Variants in PCDHA12 observed in about 807,000 individuals in gnomAD.
PCDHA12 encodes the protein protocadherin alpha-12.
Under a neutral mutation model 60.0 loss-of-function variants are expected in PCDHA12, and 44 were observed. That is an observed-to-expected ratio of 0.73 (90% CI 0.58 to 0.94). PCDHA12 has a LOEUF of 0.94. PCDHA12 is among the 40% of genes least tolerant of loss of function. The pLI is 0.00. For missense variants in PCDHA12, 1,276 were observed against 1,239.7 expected (o/e 1.03, Z -0.44); for synonymous variants, 569 against 553.0 (o/e 1.03, Z -0.40).
intron 1 of PCDHA12, chr5:140,878,069 T>C: frequency 5.3e-6 from 2 of 379,294 alleles, no homozygotes; most frequent in East Asian, 5.0e-5. Flanking sequence ...ATATTTTTCT[T>C]TTTCTATAAT....
At chr5:140,988,503 GAA>G (rs2097300771) in intron 3 of PCDHA12, among the ~76,000 whole-genome samples, 1 of 152,152 alleles carries the variant, frequency 6.6e-6, no homozygotes, top group Non-Finnish European at 1.5e-5. Flanking sequence ...GAGAAGCCAT[GAA>G]GCTTACTTAA....
rs781970935 is a variant in PCDHA12 at position 140,982,505 on chromosome 5, A to G, written c.2457A>G (p.Leu819=). The change falls in exon 3 of 4, where the codon CTA becomes CTG. Residue 819 remains leucine (L), a synonymous_variant. Coordinates refer to ENST00000398631, the MANE Select transcript of PCDHA12 (RefSeq NM_018903.4). ...TGCACCTAGAGGAGGCTGGCATTCT[A>G]CGGGCTGGTCCAGGAGGGCCTGATC... ...SSVHLEEAGI[L]RAGPGGPDQQ... The G allele has an allele frequency of 1.2e-6, 2 of 1,614,220 alleles. No homozygotes were observed. The highest frequency in any genetic ancestry group is 8.5e-7 in the Non-Finnish European group (1 of 1,180,032).
At chr5:140,917,657 G>A (rs1382905790) in intron 1 of PCDHA12, among the ~76,000 whole-genome samples, 2 of 152,156 alleles carry the variant, frequency 1.3e-5, no homozygotes, top group Admixed American at 1.3e-4. Context: ...TATTGAGTAG[G>A]AAGTCCTTTC....
chr5:140,983,282 G>A (rs1030439196), intron 3 of PCDHA12, among the ~76,000 whole-genome samples: 1 of 152,152 alleles, frequency 6.6e-6, no homozygotes, highest in Non-Finnish European at 1.5e-5. Context: ...GTGAGTATAG[G>A]AAAATTGCTT....
Position 140,877,468 on chromosome 5 carries a change from C to A in PCDHA12, c.1996C>A (p.Leu666Met), listed in dbSNP as rs781957457. ...EPALTSTATV[L>M]VSLVENGQAP... Reference sequence around the variant, plus strand: ...CGCGCTGACGTCCACGGCCACGGTGCTGGTGTCGCTGGTGGAGAACGGCCA... The same window carrying A: ...CGCGCTGACGTCCACGGCCACGGTGATGGTGTCGCTGGTGGAGAACGGCCA... Residue 666 changes from leucine (L) to methionine (M), a missense_variant, in exon 1 of 4, where the codon CTG (leucine) becomes ATG (methionine). Physicochemically the swap from Leu to Met is conservative, Grantham distance 15. Transcript: ENST00000398631. 1 of 1,613,810 alleles carries A rather than the reference C, an allele frequency of 6.2e-7. No individual in the cohort carries two copies. The highest frequency in any genetic ancestry group is 1.1e-5 in the South Asian group (1 of 91,064).
intron 1 of PCDHA12, among the ~76,000 whole-genome samples, chr5:140,974,883 C>T (rs1188748856): frequency 1.3e-5 from 2 of 152,154 alleles, no homozygotes; most frequent in Non-Finnish European, 2.9e-5. Context: ...CTATGTATCC[C>T]TTTTCTGATG....
At chr5:140,989,665 T>G (rs2097353443) in intron 3 of PCDHA12, among the ~76,000 whole-genome samples, 2 of 152,190 alleles carry the variant, frequency 1.3e-5, no homozygotes, top group South Asian at 4.1e-4. Flanking sequence ...TAAAAGAAAC[T>G]CTGCCCAGAT....
chr5:140,990,760 G>A (rs2097413418), intron 3 of PCDHA12, among the ~76,000 whole-genome samples: 1 of 152,182 alleles, frequency 6.6e-6, no homozygotes, highest in Non-Finnish European at 1.5e-5. Context: ...CTTTGAGCCT[G>A]TAAATTTGGC....
At chr5:140,902,860 G>C (rs1360454438) in intron 1 of PCDHA12, among the ~76,000 whole-genome samples, 1 of 152,130 alleles carries the variant, frequency 6.6e-6, no homozygotes, top group Non-Finnish European at 1.5e-5. Context: ...ATGGCGTCCA[G>C]GTCCACCCAA....
chr5:140,876,820 G>A lies in PCDHA12; in HGVS notation c.1348G>A (p.Asp450Asn). The A allele has an allele frequency of 1.2e-6, 2 of 1,614,214 alleles. No individual in the cohort carries two copies. The highest frequency in any genetic ancestry group is 1.7e-6 in the Non-Finnish European group (2 of 1,180,034). ...GTCCGTGGAGGTGGCCGACGTGAAC[G>A]ACAATGCGCCTGCGTTCGCGCAGCC... ...RVSVEVADVN[D>N]NAPAFAQPEY... Residue 450 changes from aspartate to asparagine, a missense_variant, in exon 1 of 4, where the codon GAC (aspartate) becomes AAC (asparagine). Coordinates refer to ENST00000398631, the MANE Select transcript of PCDHA12 (RefSeq NM_018903.4).
At chr5:140,984,247 C>G (rs1394918677) in intron 3 of PCDHA12, among the ~76,000 whole-genome samples, 2 of 152,138 alleles carry the variant, frequency 1.3e-5, no homozygotes, top group Non-Finnish European at 2.9e-5. Flanking sequence ...GTAGGTCGAC[C>G]TGGTAAGCCA....
intron 1 of PCDHA12, chr5:140,927,767 A>G (rs2084615997): frequency 6.2e-7 from 1 of 1,614,176 alleles, no homozygotes. Context: ...AAAAGTGGGG[A>G]GGTGCAAGTA....
chr5:141,000,468 C>T (rs2097940295), intron 3 of PCDHA12, among the ~76,000 whole-genome samples: 1 of 107,380 alleles, frequency 9.3e-6, no homozygotes, highest in Non-Finnish European at 1.8e-5. Context: ...GCTCTTGTTG[C>T]CCAAGCTGGA....
At position 140,987,008 on chromosome 5, in the gene PCDHA12, G is replaced by A. The variant is rs958548514; in HGVS notation, c.2515+4445G>A. 2.6e-5 allele frequency among the ~76,000 whole-genome samples: 4 copies of A among 152,260 alleles called. No individual in the cohort carries two copies. The South Asian group carries it at 6.2e-4, about 24-fold the overall frequency. On this transcript the variant is annotated intron_variant, in intron 3 of 3. Transcript: ENST00000398631. ...GCAGGCAGATCACTTGAGGTCATGA[G>A]TTCGAGACCAGCCTGGTCAACATGG... is the stretch of plus-strand genomic sequence containing the variant.
chr5:140,900,127 T>A (rs528737566), intron 1 of PCDHA12, among the ~76,000 whole-genome samples: 2 of 152,328 alleles, frequency 1.3e-5, no homozygotes, highest in East Asian at 3.9e-4. Flanking sequence ...GATTTTTAGG[T>A]ACCACAAATA....
At chr5:140,961,936 T>C (rs1163967895) in intron 1 of PCDHA12, among the ~76,000 whole-genome samples, 1 of 151,364 alleles carries the variant, frequency 6.6e-6, no homozygotes, top group Non-Finnish European at 1.5e-5. Flanking sequence ...CAGGCTGGAG[T>C]GCAGTGGCAT....
intron 3 of PCDHA12, among the ~76,000 whole-genome samples, chr5:140,989,980 C>T (rs1172154204): frequency 6.6e-6 from 1 of 152,012 alleles, no homozygotes; most frequent in South Asian, 2.1e-4. Context: ...AGCAACAGCC[C>T]TGCCTGAAAT....
At chr5:140,885,124 T>C (rs1019759458) in intron 1 of PCDHA12, among the ~76,000 whole-genome samples, 35 of 152,216 alleles carry the variant, frequency 2.3e-4, no homozygotes, top group African/African-American at 8.2e-4. Flanking sequence ...TGCACTTTTC[T>C]TTCTTTCTTT....
chr5:140,969,401 T>A, intron 1 of PCDHA12: 1 of 1,579,566 alleles, frequency 6.3e-7, no homozygotes, highest in Non-Finnish European at 8.6e-7. Flanking sequence ...ATCCTGTGAT[T>A]TGGCTTTATT....
Sources: allele counts gnomAD v4.1 joint callset (sites outside exome capture counted in the v4.1 genomes callset), GRCh38; gene constraint gnomAD v4.1.1; transcripts MANE v1.5; gene names NCBI Gene and HGNC (gene_info 2026-07-23, HGNC 2026-07-21).